ANKRD13C: variants seen among roughly 807,000 people sequenced by gnomAD.
ANKRD13C encodes ankyrin repeat domain 13C.
A neutral mutation model predicts 65.5 loss-of-function variants in ANKRD13C; 16 were observed. That is an observed-to-expected ratio of 0.24 (90% CI 0.17 to 0.37). The LOEUF (loss-of-function observed/expected upper bound fraction) is 0.37, where lower values mean the gene tolerates loss of function less well. ANKRD13C is among the 10% of genes least tolerant of loss of function. The pLI is 1.00. For synonymous variants in ANKRD13C, 235 were observed against 238.7 expected, an observed-to-expected ratio of 0.98 and a Z score of 0.14; for missense variants, 503 against 655.9, an observed-to-expected ratio of 0.77 and a Z score of 2.55.
At chr1:70,321,873 G>A (rs1224338828) in intron 3 of ANKRD13C, among the ~76,000 whole-genome samples, 1 of 152,102 alleles carries the variant, frequency 6.6e-6, no homozygotes, top group East Asian at 1.9e-4. Flanking sequence ...TCAGAAATCA[G>A]AAGAAATGGA....
chr1:70,333,787 C>T (rs1016536851), intron 2 of ANKRD13C, among the ~76,000 whole-genome samples: 1 of 152,076 alleles, frequency 6.6e-6, no homozygotes, highest in African/African-American at 2.4e-5. Context: ...AGCAGACACA[C>T]CATAAGAGAT....
intron 3 of ANKRD13C, among the ~76,000 whole-genome samples, chr1:70,318,345 G>A (rs1054992857): frequency 6.6e-5 from 10 of 152,180 alleles, no homozygotes; most frequent in Non-Finnish European, 1.0e-4. Flanking sequence ...CTCCTTCTCC[G>A]ACTGAAGTTT....
intron 1 of ANKRD13C, among the ~76,000 whole-genome samples, chr1:70,352,274 A>G (rs1682775365): frequency 7.2e-6 from 1 of 139,046 alleles, no homozygotes; most frequent in Admixed American, 8.0e-5. Flanking sequence ...CGGGAGGCGG[A>G]GCTTGCAGTG....
chr1:70,319,500 G>A (rs976829781), intron 3 of ANKRD13C, among the ~76,000 whole-genome samples: 1 of 151,574 alleles, frequency 6.6e-6, no homozygotes, highest in Non-Finnish European at 1.5e-5. Flanking sequence ...TCAGCTACTC[G>A]GGAGACTGGG....
chr1:70,342,433 G>A (rs981057779), intron 1 of ANKRD13C, among the ~76,000 whole-genome samples: 9 of 152,112 alleles, frequency 5.9e-5, no homozygotes, highest in Non-Finnish European at 2.9e-5. Flanking sequence ...AGCTACTCAG[G>A]AGGCTGAGGC....
chr1:70,354,066 G>A lies in ANKRD13C; in HGVS notation c.343C>T (p.Pro115Ser). 6.2e-7 allele frequency: 1 copy of A among 1,607,896 alleles called. No individual in the cohort carries two copies. Among genetic ancestry groups the A allele is most frequent in the Non-Finnish European group, 8.5e-7 (1 of 1,176,230 alleles). ...CCCTTGAAGACGCACTCGTGCACCG[G>A]GTAGTGTGCGGGGCAACTGCCTCCA... ...ADGGSCPAHY[P>S]VHECVFKGDV... The change falls in exon 1 of 13, where the codon CCG becomes TCG. Residue 115 changes from proline (P) to serine (S), a missense_variant. This residue lies in a region of ANKRD13C where 203 missense variants were observed against 177.6 expected (regional missense o/e 1.14). Transcript: ENST00000370944.
intron 12 of ANKRD13C, among the ~76,000 whole-genome samples, chr1:70,267,283 A>G (rs1678670395): frequency 6.6e-6 from 1 of 151,068 alleles, no homozygotes; most frequent in Non-Finnish European, 1.5e-5. Flanking sequence ...ATCTTTTTCC[A>G]CTCTTTCACT....
intron 9 of ANKRD13C, among the ~76,000 whole-genome samples, chr1:70,280,104 CA>C (rs1558267577): frequency 6.6e-6 from 1 of 152,122 alleles, no homozygotes. Flanking sequence ...AGAAAGGAAA[CA>C]GAGTTTTTTA....
In ANKRD13C at chr1:70,293,370, C is replaced by T. The variant is rs114179127; in HGVS notation, c.1054-821G>A. ...ATGCAAATCACATGTCTCCACCCTGCTGCTGTTTACTGACATTTCAAAACT... is the reference window on the plus strand; with the variant it reads ...ATGCAAATCACATGTCTCCACCCTGTTGCTGTTTACTGACATTTCAAAACT... On this transcript the variant is annotated intron_variant, in intron 8 of 12. Coordinates refer to ENST00000370944, the MANE Select transcript of ANKRD13C (RefSeq NM_030816.5). 482 of 156,160 alleles carry T rather than the reference C, an allele frequency of 3.1e-3. 2 individuals are homozygous for T. Among genetic ancestry groups the T allele is most frequent in the African/African-American group, 0.01 (431 of 41,638 alleles). 9.7% of individuals were successfully genotyped at this position (156,160 alleles called of 1,614,324 possible). A position where few individuals can be genotyped will look rare whatever the true frequency, so the allele number is the denominator to read the frequency against.
intron 6 of ANKRD13C, among the ~76,000 whole-genome samples, chr1:70,304,814 G>A (rs1680520307): frequency 1.3e-5 from 2 of 152,108 alleles, no homozygotes; most frequent in Non-Finnish European, 2.9e-5. Context: ...CATAATAATT[G>A]CTAACAAAAG....
intron 12 of ANKRD13C, among the ~76,000 whole-genome samples, chr1:70,265,860 AAG>A (rs1678602557): frequency 6.7e-6 from 1 of 148,384 alleles, no homozygotes; most frequent in African/African-American, 2.6e-5. Context: ...AAGAAAAGAA[AAG>A]AAAAGAAGAA....
intron 3 of ANKRD13C, among the ~76,000 whole-genome samples, chr1:70,315,976 A>C (rs1163148632): frequency 6.6e-6 from 1 of 152,246 alleles, no homozygotes; most frequent in African/African-American, 2.4e-5. Context: ...TAACTGTGCC[A>C]AGATAACCAA....
rs1294769605 is a variant in ANKRD13C, at chr1:70,261,894, T to C, written c.*823A>G. Reference sequence around the variant, plus strand: ...AGTGCTGAGATTTGGAAGAGGAATATCTTTAAACATGCTAACCATTACCTT... The same window carrying C: ...AGTGCTGAGATTTGGAAGAGGAATACCTTTAAACATGCTAACCATTACCTT... On this transcript the variant is annotated 3_prime_UTR_variant, in exon 13 of 13. Transcript: ENST00000370944. The C allele has an allele frequency of 6.6e-6, 1 of 151,966 alleles. No homozygotes were observed. The highest frequency in any genetic ancestry group is 1.5e-5 in the Non-Finnish European group (1 of 67,874). 9.4% of individuals were successfully genotyped at this position (151,966 alleles called of 1,614,324 possible). A position where few individuals can be genotyped will look rare whatever the true frequency, so the allele number is the denominator to read the frequency against.
At chr1:70,297,290 T>G (rs1268618598) in intron 7 of ANKRD13C, among the ~76,000 whole-genome samples, 12 of 136,406 alleles carry the variant, frequency 8.8e-5, no homozygotes, top group Admixed American at 1.5e-4. Context: ...CTTTCTGATT[T>G]TTTTTTTTTT....
At chr1:70,337,820 C>A (rs1682111476) in intron 1 of ANKRD13C, among the ~76,000 whole-genome samples, 1 of 152,142 alleles carries the variant, frequency 6.6e-6, no homozygotes, top group South Asian at 2.1e-4. Context: ...CATCTTTCAG[C>A]CGGGCACGGT....
intron 2 of ANKRD13C, 112 bp from the exon 3 acceptor site, chr1:70,325,069 T>C (rs771759199): frequency 8.7e-6 from 6 of 691,804 alleles, no homozygotes; most frequent in Non-Finnish European, 1.1e-5. Flanking sequence ...GAAATAAACA[T>C]TGTACCATGT....
At position 70,340,138 on chromosome 1, in the gene ANKRD13C, C is replaced by T. The variant is rs555731509; in HGVS notation, c.431-4039G>A. Among the ~76,000 whole-genome samples, 21 of 152,142 alleles carry T rather than the reference C, an allele frequency of 1.4e-4. 1 individual carries two copies. Among genetic ancestry groups the T allele is most frequent in the Admixed American group, 9.8e-4 (15 of 15,280 alleles). On this transcript the variant is annotated intron_variant, in intron 1 of 12. Coordinates refer to ENST00000370944, the MANE Select transcript of ANKRD13C (RefSeq NM_030816.5). ...ATATTGGGATTATAGGCATGAGTCACGGTGCCTGGTCTATTAATTTTATTC... is the reference window on the plus strand; with the variant it reads ...ATATTGGGATTATAGGCATGAGTCATGGTGCCTGGTCTATTAATTTTATTC...
intron 2 of ANKRD13C, among the ~76,000 whole-genome samples, chr1:70,328,981 T>C (rs1018377014): frequency 2.6e-5 from 4 of 152,236 alleles, no homozygotes; most frequent in African/African-American, 9.6e-5. Flanking sequence ...CAAATTTCTA[T>C]AGCTATTTCA....
intron 5 of ANKRD13C, among the ~76,000 whole-genome samples, chr1:70,307,455 T>A (rs956528245): frequency 5.3e-5 from 8 of 152,102 alleles, no homozygotes; most frequent in Non-Finnish European, 1.0e-4. Flanking sequence ...ATAAAAAAAA[T>A]TTTAAATGCT....
Sources: allele counts gnomAD v4.1 joint callset (sites outside exome capture counted in the v4.1 genomes callset), GRCh38; gene constraint gnomAD v4.1.1; regional missense constraint gnomAD v4.1.1; transcripts MANE v1.5; gene names NCBI Gene and HGNC (gene_info 2026-07-23, HGNC 2026-07-21).